Variants in ARHGAP8 observed in about 807,000 individuals in gnomAD.
The protein encoded by ARHGAP8 is rho GTPase-activating protein 8.
ARHGAP8 carries 62 observed loss-of-function variants against 46.1 expected under a neutral mutation model. The ratio of observed to expected loss-of-function variants is 1.34; its 90% CI spans 1.10 to 1.66. The LOEUF (loss-of-function observed/expected upper bound fraction) is 1.66. Among genes scored for constraint, ARHGAP8 ranks in the 40% most tolerant of loss-of-function variants. ARHGAP8 has a pLI of 0.00. For synonymous variants in ARHGAP8, 375 were observed against 243.1 expected, an observed-to-expected ratio of 1.54 and a Z score of -5.05; for missense variants, 923 against 568.4, an observed-to-expected ratio of 1.62 and a Z score of -6.34.
intron 3 of ARHGAP8, among the ~76,000 whole-genome samples, chr22:44,805,489 G>T (rs1928862090): frequency 6.6e-6 from 1 of 152,214 alleles, no homozygotes; most frequent in East Asian, 1.9e-4. Flanking sequence ...AAGCACCCCT[G>T]ACAACAAATT....
chr22:44,800,233 A>G (rs371115620), intron 2 of ARHGAP8, among the ~76,000 whole-genome samples: 11 of 150,842 alleles, frequency 7.3e-5, no homozygotes, highest in African/African-American at 2.7e-4. Context: ...CCTCCCAGGT[A>G]GCTAGGACTG....
chr22:44,825,479 A>G lies in ARHGAP8; in HGVS notation c.486-4A>G, dbSNP rs767175171. ...TGAGATCCCAGCCTCTGTTGTGTCT[A>G]CAGGTACGATGAGAAGCTCCAGAGC... On this transcript the variant is annotated splice_polypyrimidine_tract_variant and splice_region_variant and intron_variant, in intron 6 of 11. Coordinates refer to ENST00000356099, the MANE Select transcript of ARHGAP8 (RefSeq NM_181335.3). 32 of 1,612,070 alleles carry G rather than the reference A, an allele frequency of 2.0e-5. No individual in the cohort carries two copies. The Middle Eastern group carries it at 5.0e-4, about 25-fold the overall frequency.
intron 2 of ARHGAP8, among the ~76,000 whole-genome samples, chr22:44,800,383 G>C (rs532283037): frequency 3.5e-4 from 51 of 145,392 alleles, no homozygotes; most frequent in Non-Finnish European, 6.4e-4. Context: ...TGGGATTACA[G>C]ACATGAGCCA....
At chr22:44,836,231 T>A (rs1190103714) in intron 7 of ARHGAP8, among the ~76,000 whole-genome samples, 1 of 152,116 alleles carries the variant, frequency 6.6e-6, no homozygotes, top group East Asian at 1.9e-4. Flanking sequence ...TGTACCTTTT[T>A]TTTTTCTTTC....
At chr22:44,806,771 A>T (rs1418940110) in intron 3 of ARHGAP8, among the ~76,000 whole-genome samples, 1 of 151,770 alleles carries the variant, frequency 6.6e-6, no homozygotes, top group Non-Finnish European at 1.5e-5. Flanking sequence ...TGGCTAACTC[A>T]GTGAAACCCC....
intron 2 of ARHGAP8, among the ~76,000 whole-genome samples, chr22:44,794,614 G>A (rs1413136418): frequency 1.3e-5 from 2 of 152,092 alleles, no homozygotes; most frequent in Non-Finnish European, 2.9e-5. Flanking sequence ...GGAGGCTGAG[G>A]CAGAAGAATT....
At chr22:44,816,884 C>CTTTTTTT (rs981732386) in intron 5 of ARHGAP8, among the ~76,000 whole-genome samples, 8 of 115,074 alleles carry the variant, frequency 7.0e-5, no homozygotes, top group African/African-American at 2.0e-4. Context: ...TTCTTTCTTT[C>CTTTTTTT]TTTTTTTTTT....
At chr22:44,832,074 C>G (rs1278962779) in intron 7 of ARHGAP8, among the ~76,000 whole-genome samples, 1 of 151,996 alleles carries the variant, frequency 6.6e-6, no homozygotes, top group Non-Finnish European at 1.5e-5. Flanking sequence ...AAATAGTAGT[C>G]TTCCAATCCA....
chr22:44,770,183 A>T (rs929551013), intron 1 of ARHGAP8, among the ~76,000 whole-genome samples: 5 of 152,018 alleles, frequency 3.3e-5, no homozygotes, highest in Non-Finnish European at 5.9e-5. Flanking sequence ...GGCGGAGGTT[A>T]CCGTGAGCCA....
At chr22:44,762,291 C>T (rs1602140378) in intron 1 of ARHGAP8, among the ~76,000 whole-genome samples, 1 of 151,958 alleles carries the variant, frequency 6.6e-6, no homozygotes, top group South Asian at 2.1e-4. Flanking sequence ...CATGAAAAAG[C>T]CAGGTACAGT....
chr22:44,862,587 CGTCTCTA>C lies in ARHGAP8; in HGVS notation c.1297_*1del, dbSNP rs748112864. 5.1e-6 allele frequency: 8 copies of C among 1,580,330 alleles called. No homozygotes were observed. The highest frequency in any genetic ancestry group is 6.9e-6 in the Non-Finnish European group (8 of 1,158,498). ...GAGTCCCCTGATGGCAGCCAGAAGA[CGTCTCTA>C]GTGTTGCGAACACTCTGTATATTTC... On this transcript the variant is annotated frameshift_variant and stop_lost, in exon 12 of 12. Transcript: ENST00000356099. LOFTEE classifies it high-confidence loss of function.
At chr22:44,817,013 G>C (rs2147107539) in intron 5 of ARHGAP8, among the ~76,000 whole-genome samples, 1 of 151,728 alleles carries the variant, frequency 6.6e-6, no homozygotes, top group South Asian at 2.1e-4. Context: ...AGCCTCCCAA[G>C]TAGCTGGGAT....
chr22:44,761,013 G>C (rs780210403), intron 1 of ARHGAP8, among the ~76,000 whole-genome samples: 1 of 152,214 alleles, frequency 6.6e-6, no homozygotes, highest in Non-Finnish European at 1.5e-5. Context: ...CTGGCCAGGA[G>C]AAAGGGCCCA....
intron 6 of ARHGAP8, among the ~76,000 whole-genome samples, chr22:44,823,597 G>A (rs1009068550): frequency 2.0e-5 from 3 of 152,084 alleles, no homozygotes; most frequent in African/African-American, 7.2e-5. Flanking sequence ...ATCCCTGGTC[G>A]CCCGTGGGCC....
At position 44,853,789 on chromosome 22, in the gene ARHGAP8, A is replaced by G. The variant is rs537541268; in HGVS notation, c.877+4729A>G. ...ACGCCTGTAATCCTAGCACTTTGGG[A>G]GACCAAGGCGGGTGGATCACCTGAG... On this transcript the variant is annotated intron_variant, in intron 10 of 11. Transcript: ENST00000356099. Among the ~76,000 whole-genome samples the G allele has an allele frequency of 1.9e-3, 293 of 152,210 alleles. 2 individuals carry two copies. Among genetic ancestry groups the G allele is most frequent in the African/African-American group, 6.5e-3 (269 of 41,538 alleles).
intron 7 of ARHGAP8, among the ~76,000 whole-genome samples, chr22:44,843,102 G>C (rs898632711): frequency 1.3e-5 from 2 of 152,222 alleles, no homozygotes; most frequent in Admixed American, 6.5e-5. Flanking sequence ...GCTGTGGACA[G>C]GCACGGAAGC....
chr22:44,831,888 G>C (rs1245939956), intron 7 of ARHGAP8, among the ~76,000 whole-genome samples: 1 of 152,164 alleles, frequency 6.6e-6, no homozygotes. Flanking sequence ...AAATTGGGAA[G>C]TGTGAGTCTG....
Position 44,801,981 on chromosome 22 carries a change from C to T in ARHGAP8, c.80-96C>T, listed in dbSNP as rs564755138. On this transcript the variant is annotated intron_variant, in intron 2 of 11. Coordinates refer to ENST00000356099, the MANE Select transcript of ARHGAP8 (RefSeq NM_181335.3). ...ACGCTGCTGCCTGTGCCTCCCAGCT[C>T]GGGCTGGACTGGCCAAGGAGGCTGC... is the stretch of plus-strand genomic sequence containing the variant. 2.5e-5 allele frequency: 37 copies of T among 1,464,012 alleles called. No individual in the cohort carries two copies. In the South Asian group the frequency reaches 3.1e-4, roughly 12 times the overall value. 90.7% of individuals were successfully genotyped at this position (1,464,012 alleles called of 1,614,324 possible). A position where few individuals can be genotyped will look rare whatever the true frequency, so the allele number is the denominator to read the frequency against.
intron 1 of ARHGAP8, among the ~76,000 whole-genome samples, chr22:44,785,361 A>G (rs185350892): frequency 9.2e-4 from 140 of 152,154 alleles, no homozygotes; most frequent in Non-Finnish European, 1.8e-3. Context: ...CACCAGTCCA[A>G]AGTCAAGGTG....
Sources: allele counts gnomAD v4.1 joint callset (sites outside exome capture counted in the v4.1 genomes callset), GRCh38; gene constraint gnomAD v4.1.1; transcripts MANE v1.5; gene names NCBI Gene and HGNC (gene_info 2026-07-23, HGNC 2026-07-21).